Variants in TMEM132D observed in about 807,000 individuals in gnomAD.
TMEM132D encodes transmembrane protein 132D.
Under a neutral mutation model 62.3 loss-of-function variants are expected in TMEM132D, and 21 were observed. The ratio of observed to expected loss-of-function variants is 0.34; its 90% CI spans 0.24 to 0.49. TMEM132D has a LOEUF of 0.49. Ranked by LOEUF, TMEM132D falls within the 20% of genes least tolerant of loss-of-function variation. TMEM132D has a pLI of 0.99. For missense variants in TMEM132D, 1,346 were observed against 1,402.8 expected, an observed-to-expected ratio of 0.96 and a Z score of 0.65; for synonymous variants, 621 against 575.6, an observed-to-expected ratio of 1.08 and a Z score of -1.13.
intron 3 of TMEM132D, among the ~76,000 whole-genome samples, chr12:129,453,580 G>T (rs1341922902): frequency 6.6e-6 from 1 of 152,192 alleles, no homozygotes; most frequent in Admixed American, 6.5e-5. Context: ...GGACCCAAAG[G>T]TTCTGGTTGT....
At chr12:129,266,692 T>C (rs2135598284) in intron 4 of TMEM132D, among the ~76,000 whole-genome samples, 1 of 148,766 alleles carries the variant, frequency 6.7e-6, no homozygotes, top group South Asian at 2.3e-4. Flanking sequence ...ACTCTGCCAA[T>C]GAGACCAACG....
At chr12:129,559,401 G>T (rs1877151621) in intron 2 of TMEM132D, among the ~76,000 whole-genome samples, 1 of 152,196 alleles carries the variant, frequency 6.6e-6, no homozygotes, top group Non-Finnish European at 1.5e-5. Flanking sequence ...TCTGCAATTA[G>T]CAAATTTCCT....
At chr12:129,404,748 C>A (rs1260665284) in intron 3 of TMEM132D, among the ~76,000 whole-genome samples, 1 of 151,850 alleles carries the variant, frequency 6.6e-6, no homozygotes, top group Non-Finnish European at 1.5e-5. Flanking sequence ...AGCAAAAACT[C>A]ATTCATCACC....
At chr12:129,818,477 T>G (rs56247997) in intron 1 of TMEM132D, among the ~76,000 whole-genome samples, 148,698 of 148,812 alleles carry the variant, frequency 1, 74,292 homozygotes, top group Middle Eastern at 1. Flanking sequence ...TATGTGGTTT[T>G]GGGTGTGTGT....
At chr12:129,360,586 C>G (rs1593350882) in intron 3 of TMEM132D, among the ~76,000 whole-genome samples, 1 of 152,136 alleles carries the variant, frequency 6.6e-6, no homozygotes, top group Admixed American at 6.5e-5. Flanking sequence ...GCCACACCCA[C>G]CTTCCATCTG....
At chr12:129,357,246 CAA>C (rs751595186) in intron 3 of TMEM132D, among the ~76,000 whole-genome samples, 11 of 91,178 alleles carry the variant, frequency 1.2e-4, no homozygotes, top group Admixed American at 5.2e-4. Flanking sequence ...GACCGTGTCT[CAA>C]AAAAAAAAAA....
intron 3 of TMEM132D, among the ~76,000 whole-genome samples, chr12:129,338,717 G>A (rs553926973): frequency 6.6e-6 from 1 of 152,290 alleles, no homozygotes; most frequent in African/African-American, 2.4e-5. Flanking sequence ...ATTTCTAAAA[G>A]ATTTGAATTT....
chr12:129,422,912 T>C (rs972249339), intron 3 of TMEM132D, among the ~76,000 whole-genome samples: 1 of 149,152 alleles, frequency 6.7e-6, no homozygotes, highest in Admixed American at 6.6e-5. Flanking sequence ...ACGTATTATG[T>C]ATACATACAT....
chr12:129,143,769 T>C (rs1376882519), intron 5 of TMEM132D, among the ~76,000 whole-genome samples: 1 of 152,188 alleles, frequency 6.6e-6, no homozygotes, highest in Non-Finnish European at 1.5e-5. Flanking sequence ...TTCTGAGTTC[T>C]GGGTAGCACA....
At chr12:129,372,309 G>T (rs949386694) in intron 3 of TMEM132D, among the ~76,000 whole-genome samples, 3 of 152,234 alleles carry the variant, frequency 2.0e-5, no homozygotes, top group African/African-American at 7.2e-5. Context: ...CCATGGGCCA[G>T]AACCAGTCCA....
intron 2 of TMEM132D, among the ~76,000 whole-genome samples, chr12:129,668,195 G>A (rs1171766462): frequency 6.8e-6 from 1 of 146,870 alleles, no homozygotes; most frequent in Admixed American, 6.7e-5. Context: ...CTAAGATTAT[G>A]GGAAACTTCT....
intron 3 of TMEM132D, among the ~76,000 whole-genome samples, chr12:129,494,863 T>C (rs1275592398): frequency 6.6e-6 from 1 of 152,188 alleles, no homozygotes; most frequent in Non-Finnish European, 1.5e-5. Context: ...CTGGCCTCTT[T>C]GGGATCCTCA....
chr12:129,757,473 C>T (rs1382194716), intron 1 of TMEM132D, among the ~76,000 whole-genome samples: 1 of 152,158 alleles, frequency 6.6e-6, no homozygotes, highest in African/African-American at 2.4e-5. Context: ...CTTCTGCCAT[C>T]GAGCTCCAGA....
At chr12:129,350,573 T>C (rs1037499342) in intron 3 of TMEM132D, among the ~76,000 whole-genome samples, 16 of 152,222 alleles carry the variant, frequency 1.1e-4, no homozygotes, top group African/African-American at 3.9e-4. Context: ...TGTATTCTAC[T>C]TTTGGGTATA....
intron 3 of TMEM132D, among the ~76,000 whole-genome samples, chr12:129,425,834 G>A (rs7299851): frequency 0.3 from 45,115 of 152,126 alleles, 7,742 homozygotes; most frequent in East Asian, 0.48. Context: ...CAGACTTGGA[G>A]ACTAATGTTT....
intron 5 of TMEM132D, among the ~76,000 whole-genome samples, chr12:129,181,317 A>G (rs1230410530): frequency 6.6e-6 from 1 of 152,130 alleles, no homozygotes; most frequent in Non-Finnish European, 1.5e-5. Context: ...CCAGGCCTCT[A>G]AAACACACCT....
At chr12:129,336,879 C>G (rs1188903239) in intron 4 of TMEM132D, among the ~76,000 whole-genome samples, 2 of 152,178 alleles carry the variant, frequency 1.3e-5, no homozygotes, top group African/African-American at 4.8e-5. Context: ...GGAGCAAATT[C>G]AAACCACTAC....
chr12:129,546,431 C>G (rs963613679), intron 2 of TMEM132D, among the ~76,000 whole-genome samples: 3 of 152,102 alleles, frequency 2.0e-5, no homozygotes, highest in African/African-American at 7.2e-5. Flanking sequence ...AGGCAGCTCC[C>G]TAGACATTAG....
At chr12:129,306,702 T>G (rs1881853812) in intron 4 of TMEM132D, among the ~76,000 whole-genome samples, 1 of 152,246 alleles carries the variant, frequency 6.6e-6, no homozygotes, top group African/African-American at 2.4e-5. Flanking sequence ...TAACCCAGTA[T>G]TTCGCATTCT....
Sources: allele counts gnomAD v4.1 joint callset (sites outside exome capture counted in the v4.1 genomes callset), GRCh38; gene constraint gnomAD v4.1.1; transcripts MANE v1.5; gene names NCBI Gene and HGNC (gene_info 2026-07-23, HGNC 2026-07-21).